The following CDH26 variants were observed in gnomAD, a reference collection of about 807,000 sequenced individuals.
The protein encoded by CDH26 is cadherin 26, also known as cadherin-like protein 26.
In CDH26, 83 loss-of-function variants were observed where a neutral mutation model predicts 90.3. The ratio of observed to expected loss-of-function variants is 0.92; its 90% CI spans 0.77 to 1.10. CDH26 has a LOEUF of 1.10. CDH26 is among the 50% of genes least tolerant of loss of function. CDH26 has a pLI of 0.00. For missense variants in CDH26, 1,013 were observed against 1,037.6 expected (o/e 0.98, Z 0.33); for synonymous variants, 397 against 396.3 (o/e 1.00, Z -0.02).
At chr20:59,964,896 A>G (rs1290633540) in intron 1 of CDH26, among the ~76,000 whole-genome samples, 1 of 152,258 alleles carries the variant, frequency 6.6e-6, no homozygotes, top group East Asian at 1.9e-4. Context: ...AGAGGGAACA[A>G]GAAACCTCAA....
At chr20:59,971,417 C>T (rs1184584350) in intron 3 of CDH26, among the ~76,000 whole-genome samples, 2 of 152,190 alleles carry the variant, frequency 1.3e-5, no homozygotes, top group African/African-American at 2.4e-5. Flanking sequence ...TTAAGGCAAG[C>T]AAGGCATATT....
chr20:59,993,741 G>A lies in CDH26; in HGVS notation c.1427-509G>A, dbSNP rs546341945. On this transcript the variant is annotated intron_variant, in intron 10 of 17. Coordinates refer to ENST00000348616, the MANE Select transcript of CDH26 (RefSeq NM_177980.4). ...CCACTTTTTTGAATTAGAAAAAGTC[G>A]TTTTAGATAATTGTAGATTCACTTG... Among the ~76,000 whole-genome samples, 16 of 152,294 alleles carry A rather than the reference G, an allele frequency of 1.1e-4. No homozygotes were observed. The South Asian group carries it at 2.7e-3, about 26-fold the overall frequency.
intron 16 of CDH26, 152 bp downstream of exon 16, chr20:60,003,018 G>A (rs537946172): frequency 4.2e-5 from 21 of 496,510 alleles, no homozygotes; most frequent in African/African-American, 1.8e-4. Context: ...AGAAGCGAAC[G>A]TGAAGAGAGG....
exon 9 of CDH26, chr20:60,033,774 TGTG>T (rs2062063370): frequency 3.3e-6 from 2 of 597,476 alleles, no homozygotes; most frequent in Non-Finnish European, 4.1e-6. Context: ...GTAGACAAGA[TGTG>T]TGTGTGTGTG....
Position 59,958,711 on chromosome 20 carries a change from T to C in CDH26, c.-16T>C, listed in dbSNP as rs376355749. ...TCATCAGCTGCACGTTCTGGGTCTGTCTTGGGTATTCCCATATGGCCATGA... is the reference window on the plus strand; with the variant it reads ...TCATCAGCTGCACGTTCTGGGTCTGCCTTGGGTATTCCCATATGGCCATGA... On this transcript the variant is annotated 5_prime_UTR_variant, in exon 1 of 18. Transcript: ENST00000348616. 283 of 1,613,906 alleles carry C rather than the reference T, an allele frequency of 1.8e-4. No individual in the cohort carries two copies. Among genetic ancestry groups the C allele is most frequent in the Non-Finnish European group, 2.2e-4 (259 of 1,179,874 alleles).
rs370682137 is a variant in CDH26 at position 60,012,728 on chromosome 20, TAA to T, written c.*7_*8del. Reference sequence around the variant, plus strand: ...ATATTCAGAGTCAGGTGTTCCTTCCTAAAAAAAAAAGTCTATTTTGGAGAATT... The same window carrying T: ...ATATTCAGAGTCAGGTGTTCCTTCCTAAAAAAAAGTCTATTTTGGAGAATT... ...EIYSESGVPS[*>X] On this transcript the variant is annotated frameshift_variant and stop_lost, in exon 18 of 18. Transcript: ENST00000348616. LOFTEE classifies it high-confidence loss of function. 7.1e-7 allele frequency: 1 copy of T among 1,401,038 alleles called. No homozygotes were observed. The highest frequency in any genetic ancestry group is 9.7e-7 in the Non-Finnish European group (1 of 1,030,138). The allele number at this position is 1,401,038 out of a possible 1,614,324, so 86.8% of individuals were successfully genotyped here.
At position 59,996,110 on chromosome 20, in the gene CDH26, C is replaced by T. The variant is rs2061594093; in HGVS notation, c.1888+56C>T. ...GTGGCTCCTCTCCCCAGGCAATAGGCCAGGGGTAAGGGGCTTGCTGGGGTA... is the reference window on the plus strand; with the variant it reads ...GTGGCTCCTCTCCCCAGGCAATAGGTCAGGGGTAAGGGGCTTGCTGGGGTA... On this transcript the variant is annotated intron_variant, in intron 12 of 17. Coordinates refer to ENST00000348616, the MANE Select transcript of CDH26 (RefSeq NM_177980.4). 4 of 1,554,506 alleles carry T rather than the reference C, an allele frequency of 2.6e-6. No homozygotes were observed. In the Admixed American group the frequency reaches 6.9e-5, roughly 27 times the overall value.
chr20:60,001,785 G>A (rs1424932690), intron 15 of CDH26, among the ~76,000 whole-genome samples: 3 of 152,204 alleles, frequency 2.0e-5, no homozygotes, highest in Non-Finnish European at 2.9e-5. Flanking sequence ...TGCTTCCAGC[G>A]AAAGGGAGGC....
At position 59,992,484 on chromosome 20, in the gene CDH26, AG is replaced by A; in HGVS notation, c.1391del (p.Ser464IlefsTer4). On this transcript the variant is annotated frameshift_variant, in exon 10 of 18. Coordinates refer to ENST00000348616, the MANE Select transcript of CDH26 (RefSeq NM_177980.4). LOFTEE classifies it high-confidence loss of function. The surrounding 1 kb of genome is among the most constrained non-coding windows in gnomAD (Gnocchi z 5.0). ...IDRESPHVNN[S>X]FYVIIIHAVD... ...CCGAGAATCCCCTCATGTAAATAAC[AG>A]TTTTTATGTAATCATCATTCACGCT... 1 of 1,614,184 alleles carries A rather than the reference AG, an allele frequency of 6.2e-7. No homozygotes were observed. Among genetic ancestry groups the A allele is most frequent in the Admixed American group, 1.7e-5 (1 of 60,020 alleles).
At chr20:60,027,046 C>A (rs1211922804) in intron 7 of CDH26, among the ~76,000 whole-genome samples, 1 of 152,128 alleles carries the variant, frequency 6.6e-6, no homozygotes, top group African/African-American at 2.4e-5. Flanking sequence ...GGAGCCAGGA[C>A]AGCGTGTATG....
chr20:60,028,199 C>A (rs1305763848), intron 7 of CDH26, among the ~76,000 whole-genome samples: 1 of 152,208 alleles, frequency 6.6e-6, no homozygotes, highest in African/African-American at 2.4e-5. Flanking sequence ...ATAACCACAC[C>A]TGTTCTCCTC....
chr20:60,006,841 T>C, intron 17 of CDH26, 54 bp downstream of exon 17: 2 of 1,349,124 alleles, frequency 1.5e-6, no homozygotes, highest in South Asian at 1.2e-5. Context: ...GCATCCCCAC[T>C]GTGCTCCAGG....
Position 59,994,483 on chromosome 20 carries a change from A to T in CDH26, c.1660A>T (p.Asn554Tyr), listed in dbSNP as rs1015266408. Residue 554 changes from asparagine (N) to tyrosine (Y), a missense_variant, in exon 11 of 18, where the codon AAT (asparagine) becomes TAT (tyrosine). Transcript: ENST00000348616. ...GGAGGACACATGGAAGTTGGGGAGA[A>T]ATTGGGGTGAGTTTTTGTATTGGTT... Reference protein sequence around the residue: ...NAEDTWKLGRNWGQSVELLTL... With the variant: ...NAEDTWKLGRYWGQSVELLTL... 6.2e-7 allele frequency: 1 copy of T among 1,613,854 alleles called. No homozygotes were observed. Among genetic ancestry groups the T allele is most frequent in the African/African-American group, 1.3e-5 (1 of 74,904 alleles).
At chr20:59,976,851 G>A (rs928237719) in intron 4 of CDH26, among the ~76,000 whole-genome samples, 5 of 152,096 alleles carry the variant, frequency 3.3e-5, no homozygotes, top group African/African-American at 7.2e-5. Flanking sequence ...GCAGTCATGC[G>A]AAACAGTACA....
chr20:59,983,119 TC>T, intron 5 of CDH26, 49 bp downstream of exon 5: 1 of 1,583,998 alleles, frequency 6.3e-7, no homozygotes, highest in Non-Finnish European at 8.6e-7. Context: ...TCTGCTCTGT[TC>T]CTTTTCATTA....
intron 4 of CDH26, among the ~76,000 whole-genome samples, chr20:59,974,548 A>G (rs942019053): frequency 2.0e-5 from 3 of 152,146 alleles, no homozygotes; most frequent in Non-Finnish European, 4.4e-5. Context: ...GCAAAGAGTG[A>G]CAGTGTGGGG....
chr20:60,032,723 T>C (rs1406760727), intron 8 of CDH26, among the ~76,000 whole-genome samples: 1 of 151,836 alleles, frequency 6.6e-6, no homozygotes, highest in Non-Finnish European at 1.5e-5. Context: ...TTGGAAATCA[T>C]CATTCTCAGT....
At chr20:60,018,399 T>A (rs1465321909), downstream of CDH26, among the ~76,000 whole-genome samples, 1 of 152,098 alleles carries the variant, frequency 6.6e-6, no homozygotes, top group East Asian at 1.9e-4. Context: ...AAAGTCTGCT[T>A]TGTCTGATAT....
At chr20:60,014,773 G>A (rs2061890909), downstream of CDH26, among the ~76,000 whole-genome samples, 1 of 152,182 alleles carries the variant, frequency 6.6e-6, no homozygotes, top group Non-Finnish European at 1.5e-5. Flanking sequence ...AGGTGCAGAT[G>A]TCTCTTCAAA....
Sources: allele counts gnomAD v4.1 joint callset (sites outside exome capture counted in the v4.1 genomes callset), GRCh38; gene constraint gnomAD v4.1.1; non-coding constraint Gnocchi (gnomAD v3.1); transcripts MANE v1.5; gene names NCBI Gene and HGNC (gene_info 2026-07-23, HGNC 2026-07-21).